The following ESPN variants were observed in gnomAD, a reference collection of about 807,000 sequenced individuals.
The protein encoded by ESPN is espin.
ESPN carries 68 observed loss-of-function variants against 77.7 expected under a neutral mutation model. That is an observed-to-expected ratio of 0.87 (90% CI 0.72 to 1.07). ESPN has a LOEUF of 1.07. Ranked by LOEUF, ESPN falls within the 50% of genes least tolerant of loss-of-function variation. ESPN has a pLI of 0.00. For synonymous variants in ESPN, 449 were observed against 567.1 expected, an observed-to-expected ratio of 0.79 and a Z score of 2.96; for missense variants, 1,060 against 1,239.0, an observed-to-expected ratio of 0.86 and a Z score of 2.17.
rs774905234 is a variant in ESPN at position 6,445,883 on chromosome 1, T to A, written c.1412T>A (p.Met471Lys). 6 of 1,610,642 alleles carry A rather than the reference T, an allele frequency of 3.7e-6. No individual in the cohort carries two copies. The highest frequency in any genetic ancestry group is 5.1e-6 in the Non-Finnish European group (6 of 1,179,140). The change falls in exon 7 of 13, where the codon ATG (methionine) becomes AAG (lysine). Residue 471 changes from methionine to lysine, a missense_variant. By Grantham distance (95) the Met-to-Lys change is moderately conservative. Around this residue, in one of 3 missense-constraint regions of ESPN, gnomAD observed 130 missense variants for 223.9 expected, o/e 0.58. Coordinates refer to ENST00000645284, the MANE Select transcript of ESPN (RefSeq NM_031475.3). ...GGACCACAGGCAGCTGACATCTACA[T>A]GCAGACCAAGAACAAACTCCGCCAC... The part of the protein sequence containing the change: ...PVGPQAADIY[M>K]QTKNKLRHVE...
At chr1:6,431,259 C>G (rs548067536) in intron 2 of ESPN, among the ~76,000 whole-genome samples, 31 of 152,324 alleles carry the variant, frequency 2.0e-4, no homozygotes, top group African/African-American at 6.3e-4. Context: ...TCAGCAGGTG[C>G]CTCCTTCCCC....
Position 6,448,820 on chromosome 1 carries a change from CG to C in ESPN, c.1645del (p.Ala549ArgfsTer97). The C allele has an allele frequency of 8.0e-7, 1 of 1,242,566 alleles. No homozygotes were observed. 77.0% of individuals were successfully genotyped at this position (1,242,566 alleles called of 1,614,324 possible). On this transcript the variant is annotated frameshift_variant, in exon 8 of 13. Coordinates refer to ENST00000645284, the MANE Select transcript of ESPN (RefSeq NM_031475.3). LOFTEE classifies it high-confidence loss of function. Reference sequence around the variant, plus strand: ...GCGAGGAGGTGCGTGCCCGCCAGCCCGCGCGCGCCGGCTGCCCGCGCCTCGG... The same window carrying C: ...GCGAGGAGGTGCGTGCCCGCCAGCCCCGCGCGCCGGCTGCCCGCGCCTCGG... ...HSEEVRARQPARAGCPRLGPA... is the reference protein window; with the variant it reads ...HSEEVRARQPXRAGCPRLGPA...
chr1:6,438,931 G>A (rs1283064358), intron 2 of ESPN, among the ~76,000 whole-genome samples: 1 of 152,228 alleles, frequency 6.6e-6, no homozygotes, highest in Non-Finnish European at 1.5e-5. Flanking sequence ...GGCCAAGATG[G>A]CAAAACTGGG....
intron 1 of ESPN, among the ~76,000 whole-genome samples, chr1:6,425,848 C>T (rs1330480485): frequency 1.3e-5 from 2 of 151,962 alleles, no homozygotes; most frequent in Non-Finnish European, 2.9e-5. Context: ...GAGCAGTGAC[C>T]TCCAAGGGGA....
chr1:6,461,323 G>C, downstream of ESPN: 2 of 1,341,582 alleles, frequency 1.5e-6, no homozygotes, highest in Non-Finnish European at 2.1e-6. This position sits in a 1 kb window ranked among gnomAD's most constrained non-coding sequence, Gnocchi z 6.3. Context: ...TGCTACGCAG[G>C]GCCGTGCCAG....
chr1:6,457,136 C>G (rs1182584421), intron 10 of ESPN, 48 bp from the exon 11 acceptor site: 1 of 1,547,064 alleles, frequency 6.5e-7, no homozygotes. Flanking sequence ...AGGGTGCCCC[C>G]TATCTCCCAG....
rs2148498262 is a variant in ESPN, at chr1:6,424,819, C to A, written c.-137C>A. 1.1e-6 allele frequency: 1 copy of A among 891,852 alleles called. No individual in the cohort carries two copies. Among genetic ancestry groups the A allele is most frequent in the Non-Finnish European group, 1.5e-6 (1 of 676,192 alleles). 55.2% of individuals were successfully genotyped at this position (891,852 alleles called of 1,614,324 possible). On this transcript the variant is annotated 5_prime_UTR_variant, in exon 1 of 13. Transcript: ENST00000645284. ...GCGCCAGGCAGCGCGGAGCGGAGGC[C>A]AGGCCCACAGCCGCTCCGCCTCCCG...
Position 6,446,075 on chromosome 1 carries a change from C to T in ESPN, c.1464+140C>T, listed in dbSNP as rs1643826956. Reference sequence around the variant, plus strand: ...ATGGCATGTTCAAGAGTCAAAGCTCCTGGCGAGTCCCACAAGGGGTCAGGG... The same window carrying T: ...ATGGCATGTTCAAGAGTCAAAGCTCTTGGCGAGTCCCACAAGGGGTCAGGG... On this transcript the variant is annotated intron_variant, in intron 7 of 12. Coordinates refer to ENST00000645284, the MANE Select transcript of ESPN (RefSeq NM_031475.3). The T allele has an allele frequency of 4.8e-6, 4 of 833,798 alleles. No homozygotes were observed. The South Asian group carries it at 6.8e-5, about 14-fold the overall frequency. 51.6% of individuals were successfully genotyped at this position (833,798 alleles called of 1,614,324 possible).
At chr1:6,432,795 C>T (rs1643297163) in intron 2 of ESPN, among the ~76,000 whole-genome samples, 1 of 152,228 alleles carries the variant, frequency 6.6e-6, no homozygotes, top group Admixed American at 6.5e-5. Context: ...AAGGCCCTGG[C>T]CTTCACCCGT....
At position 6,451,316 on chromosome 1, in the gene ESPN, T is replaced by A. The variant is rs1471060894; in HGVS notation, c.1916-287T>A. 5.8e-6 allele frequency: 3 copies of A among 514,204 alleles called. No individual in the cohort carries two copies. Among genetic ancestry groups the A allele is most frequent in the Admixed American group, 6.5e-5 (2 of 30,928 alleles). 31.9% of individuals were successfully genotyped at this position (514,204 alleles called of 1,614,324 possible). On this transcript the variant is annotated intron_variant, in intron 8 of 12. Coordinates refer to ENST00000645284, the MANE Select transcript of ESPN (RefSeq NM_031475.3). This position sits in a 1 kb window ranked among gnomAD's most constrained non-coding sequence, Gnocchi z 4.3. ...CAGTCAGTGGCTGGGCGGGGACATA[T>A]GCCCAAGAGCCACCATGAACTCCCA...
At chr1:6,454,438 C>T (rs1644012609) in intron 10 of ESPN, 2 of 398,952 alleles carry the variant, frequency 5.0e-6, no homozygotes, top group Non-Finnish European at 4.4e-6. Context: ...CCTTAGCTGA[C>T]GGCCGCCAGC....
At chr1:6,444,813 A>C in intron 6 of ESPN, 131 bp downstream of exon 6, 3 of 1,062,192 alleles carry the variant, frequency 2.8e-6, no homozygotes, top group Non-Finnish European at 4.3e-6. Flanking sequence ...GCTCTTAAAC[A>C]TGGGGAGGCG....
At chr1:6,449,285 G>T (rs539671965) in intron 8 of ESPN, among the ~76,000 whole-genome samples, 194 bp downstream of exon 8, 17 of 152,212 alleles carry the variant, frequency 1.1e-4, no homozygotes, top group African/African-American at 4.1e-4. Flanking sequence ...GCCAAAGCAC[G>T]ACCGGGCTGC....
At chr1:6,461,243 C>G, downstream of ESPN, 1 of 766,970 alleles carries the variant, frequency 1.3e-6, no homozygotes, top group South Asian at 1.5e-5. This position sits in a 1 kb window ranked among gnomAD's most constrained non-coding sequence, Gnocchi z 6.3. Flanking sequence ...CACCCCCTCT[C>G]GACATTCGTT....
chr1:6,436,482 CTTAT>C (rs59014273), intron 2 of ESPN, among the ~76,000 whole-genome samples: 4,273 of 145,098 alleles, frequency 0.029, 78 homozygotes, highest in East Asian at 0.069. Context: ...GGAATTTTTT[CTTAT>C]TTATTTATTT....
At chr1:6,458,275 C>T (rs2148549441) in intron 12 of ESPN, among the ~76,000 whole-genome samples, 1 of 152,196 alleles carries the variant, frequency 6.6e-6, no homozygotes, top group Non-Finnish European at 1.5e-5. Context: ...GCCTCGGCCT[C>T]CCAAAGTGCT....
At position 6,428,089 on chromosome 1, in the gene ESPN, A is replaced by AT. The variant is rs1643105199; in HGVS notation, c.295-136dup. On this transcript the variant is annotated intron_variant, in intron 1 of 12. Transcript: ENST00000645284. The surrounding 1 kb of genome is among the most constrained non-coding windows in gnomAD (Gnocchi z 5.4). ...CTTGACCCAAAAAAAACATTGCTGA[A>AT]TGAGGCCTGGCCAATCCCTCCAGGG... The AT allele has an allele frequency of 1.1e-6, 1 of 918,944 alleles. No individual in the cohort carries two copies. Among genetic ancestry groups the AT allele is most frequent in the Admixed American group, 2.1e-5 (1 of 47,578 alleles). 56.9% of individuals were successfully genotyped at this position (918,944 alleles called of 1,614,324 possible).
At chr1:6,461,293 G>T, downstream of ESPN, 1 of 1,082,792 alleles carries the variant, frequency 9.2e-7, no homozygotes, top group Non-Finnish European at 1.4e-6. This position sits in a 1 kb window ranked among gnomAD's most constrained non-coding sequence, Gnocchi z 6.3. Context: ...GGGGCGAGCA[G>T]GGGTGGGGCC....
rs1643080412 is a variant in ESPN at position 6,427,470 on chromosome 1, C to T, written c.295-756C>T. Among the ~76,000 whole-genome samples the T allele has an allele frequency of 6.6e-6, 1 of 152,168 alleles. No homozygotes were observed. Among genetic ancestry groups the T allele is most frequent in the African/African-American group, 2.4e-5 (1 of 41,440 alleles). On this transcript the variant is annotated intron_variant, in intron 1 of 12. Coordinates refer to ENST00000645284, the MANE Select transcript of ESPN (RefSeq NM_031475.3). The surrounding 1 kb of genome is among the most constrained non-coding windows in gnomAD (Gnocchi z 4.6). ...GCCCAGACCTCTGGCCCCACCTGCT[C>T]TGAGGTCCCCGGGGGGAGTTTTGTC...
Sources: gnomAD v4.1 joint callset for allele counts (sites outside exome capture counted in the v4.1 genomes callset) on GRCh38, gnomAD v4.1.1 for gene constraint, gnomAD v4.1.1 regional missense constraint, Gnocchi (gnomAD v3.1) non-coding constraint, MANE v1.5 for transcripts, NCBI Gene and HGNC (gene_info 2026-07-23, HGNC 2026-07-21) for gene names.